Variants in ATL1 observed in about 807,000 individuals in gnomAD.
ATL1 encodes atlastin-1.
Under a neutral mutation model 75.5 loss-of-function variants are expected in ATL1, and 31 were observed. That is an observed-to-expected ratio of 0.41 (90% CI 0.31 to 0.55). The LOEUF is 0.55. ATL1 is among the 20% of genes least tolerant of loss of function. The pLI is 0.27. For synonymous variants in ATL1, 226 were observed against 233.3 expected (o/e 0.97, Z 0.28); for missense variants, 405 against 662.6 (o/e 0.61, Z 4.27).
At chr14:50,571,661 A>G (rs1372546392) in intron 1 of ATL1, among the ~76,000 whole-genome samples, 5 of 152,116 alleles carry the variant, frequency 3.3e-5, no homozygotes, top group Non-Finnish European at 5.9e-5. Context: ...GTGATCTTGC[A>G]TTTCTAGAAT....
chr14:50,632,163 A>C, intron 13 of ATL1, 66 bp from the exon 14 acceptor site: 1 of 1,198,718 alleles, frequency 8.3e-7, no homozygotes, highest in East Asian at 2.5e-5. Context: ...GATAAACTAA[A>C]AAGGAAAAAA....
intron 8 of ATL1, among the ~76,000 whole-genome samples, chr14:50,619,777 T>C (rs1401808285): frequency 6.6e-6 from 1 of 152,220 alleles, no homozygotes; most frequent in Non-Finnish European, 1.5e-5. Context: ...ACTATCTTTT[T>C]GAACTCTGCA....
In ATL1 at chr14:50,621,850, TA is replaced by T; in HGVS notation, c.1001del (p.Lys334ArgfsTer24). ...CTTTTTCTTTTTTTTTAGGCTTATA[TA>T]AAGATCTATCAAGGTGAAGAATTAC... ...RGLVEYFKAYIKIYQGEELPH... is the reference protein window; with the variant it reads ...RGLVEYFKAYXKIYQGEELPH... On this transcript the variant is annotated frameshift_variant, in exon 10 of 14. Transcript: ENST00000358385. LOFTEE classifies it high-confidence loss of function. 6.3e-7 allele frequency: 1 copy of T among 1,581,516 alleles called. No homozygotes were observed. The highest frequency in any genetic ancestry group is 8.7e-7 in the Non-Finnish European group (1 of 1,151,798).
chr14:50,593,582 T>A (rs1260181652), intron 4 of ATL1, among the ~76,000 whole-genome samples: 1 of 152,218 alleles, frequency 6.6e-6, no homozygotes, highest in Non-Finnish European at 1.5e-5. Context: ...TTGCATAAAT[T>A]AGGTTCATAA....
chr14:50,564,159 G>T (rs2038878519), intron 1 of ATL1, among the ~76,000 whole-genome samples: 1 of 152,196 alleles, frequency 6.6e-6, no homozygotes. Context: ...GGACAGATAA[G>T]TATCAGAAAC....
chr14:50,546,473 A>T (rs923541202), intron 1 of ATL1, among the ~76,000 whole-genome samples: 1 of 152,170 alleles, frequency 6.6e-6, no homozygotes, highest in Non-Finnish European at 1.5e-5. Context: ...CTTGGCTTAT[A>T]AGTAAATGAG....
chr14:50,591,158 G>A, intron 3 of ATL1, 83 bp downstream of exon 3: 1 of 1,396,460 alleles, frequency 7.2e-7, no homozygotes, highest in Admixed American at 1.9e-5. Flanking sequence ...TTGCACTTTT[G>A]AAAATTAATT....
intron 1 of ATL1, among the ~76,000 whole-genome samples, chr14:50,536,174 A>G (rs1216011160): frequency 6.6e-6 from 1 of 152,222 alleles, no homozygotes; most frequent in African/African-American, 2.4e-5. Context: ...GTCTGGCGCC[A>G]TGGCCCATGC....
At chr14:50,592,283 A>G (rs901922889) in intron 4 of ATL1, among the ~76,000 whole-genome samples, 3 of 152,166 alleles carry the variant, frequency 2.0e-5, no homozygotes, top group Non-Finnish European at 4.4e-5. Flanking sequence ...GATATTTTCA[A>G]TCCACTGGCA....
intron 7 of ATL1, 70 bp downstream of exon 7, chr14:50,613,421 GAATA>G: frequency 1.7e-6 from 2 of 1,190,694 alleles, no homozygotes; most frequent in Non-Finnish European, 2.5e-6. Context: ...ATCATTTGGT[GAATA>G]GATACTCAGT....
intron 1 of ATL1, among the ~76,000 whole-genome samples, chr14:50,567,293 A>G (rs961982987): frequency 6.6e-6 from 1 of 152,042 alleles, no homozygotes; most frequent in African/African-American, 2.4e-5. Context: ...AATATATCAC[A>G]ACTTCCTTCT....
intron 1 of ATL1, among the ~76,000 whole-genome samples, chr14:50,576,508 C>G (rs1332892577): frequency 6.6e-6 from 1 of 151,966 alleles, no homozygotes; most frequent in Non-Finnish European, 1.5e-5. Flanking sequence ...TTTAATTTAG[C>G]AAAACATATT....
In ATL1 at chr14:50,620,545, A is replaced by G. The variant is rs11157759; in HGVS notation, c.863-54A>G. ...ATCAAAGGATGTTTTATTCTGTGGC[A>G]TGGAGGACTGGGAAGGATTCCAAAA... On this transcript the variant is annotated intron_variant, in intron 8 of 13. Transcript: ENST00000358385. 0.53 allele frequency: 835,917 copies of G among 1,564,518 alleles called. 229,732 individuals carry two copies. Among genetic ancestry groups the G allele is most frequent in the East Asian group, 0.73 (31,411 of 42,986 alleles).
chr14:50,556,631 C>A (rs1195219624), upstream of ATL1, among the ~76,000 whole-genome samples: 1 of 152,166 alleles, frequency 6.6e-6, no homozygotes, highest in Non-Finnish European at 1.5e-5. Flanking sequence ...AGTCACTCTC[C>A]AATTTCTCCC....
intron 11 of ATL1, among the ~76,000 whole-genome samples, chr14:50,627,624 T>C (rs941649938): frequency 1.3e-5 from 2 of 152,228 alleles, no homozygotes; most frequent in South Asian, 2.1e-4. Flanking sequence ...TCATTGTTTA[T>C]TAAACCTCAT....
rs34191629 is a variant in ATL1 at position 50,589,155 on chromosome 14, CT to C, written c.282+1098del. On this transcript the variant is annotated intron_variant, in intron 2 of 13. Coordinates refer to ENST00000358385, the MANE Select transcript of ATL1 (RefSeq NM_015915.5). ...GATATATTTTTTCTTTTCTTTCTTT[CT>C]TTTTTTTTTTTTTTTTTTTTGATAC... Among the ~76,000 whole-genome samples the C allele has an allele frequency of 5.4e-3, 588 of 109,408 alleles. 2 individuals are homozygous for C. The highest frequency in any genetic ancestry group is 0.039 in the East Asian group (147 of 3,740). The allele number at this position is 109,408 out of a possible 152,430, so 71.8% of individuals were successfully genotyped here.
intron 4 of ATL1, among the ~76,000 whole-genome samples, chr14:50,592,444 C>G (rs1241372054): frequency 6.6e-6 from 1 of 151,460 alleles, no homozygotes; most frequent in Non-Finnish European, 1.5e-5. Context: ...GAACCAGCAA[C>G]AAGGGCGTCA....
rs2039540667 is a variant in ATL1 at position 50,628,200 on chromosome 14, T to C, written c.1289T>C (p.Ile430Thr). 1 of 1,614,122 alleles carries C rather than the reference T, an allele frequency of 6.2e-7. No individual in the cohort carries two copies. Among genetic ancestry groups the C allele is most frequent in the Non-Finnish European group, 8.5e-7 (1 of 1,180,032 alleles). The change falls in exon 12 of 14, where the codon ATC (isoleucine) becomes ACC (threonine). Residue 430 changes from isoleucine (I) to threonine (T), a missense_variant. Ile to Thr is a moderately conservative substitution (Grantham distance 89). This residue lies in a region of ATL1 where 163 missense variants were observed against 244.1 expected (regional missense o/e 0.67). Coordinates refer to ENST00000358385, the MANE Select transcript of ATL1 (RefSeq NM_015915.5). ...GAGAGTGAAATAGATGAACTTTACA[T>C]CCAATATATCAAGCACAATGATAGC... ...QLESEIDELY[I>T]QYIKHNDSKN... is the part of the protein sequence containing the mutation.
Position 50,587,815 on chromosome 14 carries a change from C to T in ATL1, c.35-16C>T, listed in dbSNP as rs1269807704. On this transcript the variant is annotated splice_polypyrimidine_tract_variant and intron_variant, in intron 1 of 13. Transcript: ENST00000358385. ...TTGAGATGATTAGCTGAACCAGTCA[C>T]TGCTCTGTTCAACAGGTGGATTTTC... 2 of 1,614,134 alleles carry T rather than the reference C, an allele frequency of 1.2e-6. No individual in the cohort carries two copies. The highest frequency in any genetic ancestry group is 1.7e-6 in the Non-Finnish European group (2 of 1,180,036).
Sources: allele counts gnomAD v4.1 joint callset (sites outside exome capture counted in the v4.1 genomes callset), GRCh38; gene constraint gnomAD v4.1.1; regional missense constraint gnomAD v4.1.1; transcripts MANE v1.5; gene names NCBI Gene and HGNC (gene_info 2026-07-23, HGNC 2026-07-21).